CDK17: variants seen among roughly 807,000 people sequenced by gnomAD.
CDK17 encodes the protein cyclin dependent kinase 17.
CDK17 carries 24 observed loss-of-function variants against 77.6 expected under a neutral mutation model. The observed-to-expected ratio is 0.31, with a 90% CI of 0.22 to 0.44. The LOEUF (loss-of-function observed/expected upper bound fraction) is 0.44, where lower values mean the gene tolerates loss of function less well. Ranked by LOEUF, CDK17 falls within the 20% of genes least tolerant of loss-of-function variation. The probability of loss-of-function intolerance (pLI) is 1.00; values close to 1 mark genes in which losing one functional copy is unlikely to be tolerated. For missense variants in CDK17, 429 were observed against 622.5 expected (o/e 0.69, Z 3.31); for synonymous variants, 203 against 210.4 (o/e 0.96, Z 0.30).
chr12:96,316,300 G>T (rs1952716388), intron 3 of CDK17, among the ~76,000 whole-genome samples: 1 of 151,216 alleles, frequency 6.6e-6, no homozygotes. Context: ...GGCTCGGAGG[G>T]TCCTACGCCC....
chr12:96,293,141 A>AT (rs750256888), intron 10 of CDK17, among the ~76,000 whole-genome samples: 16 of 152,022 alleles, frequency 1.1e-4, no homozygotes, highest in South Asian at 2.1e-4. Flanking sequence ...TATGAAAAAC[A>AT]TTTTTTTTAT....
At chr12:96,306,277 T>G (rs1331369925) in intron 5 of CDK17, among the ~76,000 whole-genome samples, 1 of 152,108 alleles carries the variant, frequency 6.6e-6, no homozygotes, top group African/African-American at 2.4e-5. Flanking sequence ...TTAGAAAATA[T>G]GAAAATAGGC....
chr12:96,316,131 T>C (rs374044717), intron 3 of CDK17, among the ~76,000 whole-genome samples: 42 of 152,176 alleles, frequency 2.8e-4, no homozygotes, highest in East Asian at 9.7e-4. Context: ...GGGCGAGGCA[T>C]TGCCTCACCT....
At chr12:96,280,930 A>T (rs999094059) in intron 15 of CDK17, 45 bp from the exon 16 acceptor site, 34 of 1,440,802 alleles carry the variant, frequency 2.4e-5, no homozygotes, top group Non-Finnish European at 3.3e-5. Context: ...TCTAACATTA[A>T]AACAAACACA....
At chr12:96,350,374 C>T (rs1213773612) in intron 1 of CDK17, among the ~76,000 whole-genome samples, 4 of 149,836 alleles carry the variant, frequency 2.7e-5, no homozygotes, top group African/African-American at 7.3e-5. Flanking sequence ...AAGACAACGA[C>T]GATATCTTAA....
intron 10 of CDK17, among the ~76,000 whole-genome samples, chr12:96,290,771 T>C (rs1466782623): frequency 6.6e-6 from 1 of 152,116 alleles, no homozygotes; most frequent in Non-Finnish European, 1.5e-5. Flanking sequence ...TCAAGGCAAA[T>C]TACCAGTTAT....
At chr12:96,305,702 A>C (rs1952568083) in intron 5 of CDK17, among the ~76,000 whole-genome samples, 1 of 151,940 alleles carries the variant, frequency 6.6e-6, no homozygotes, top group South Asian at 2.1e-4. Context: ...AAAAGGAGGG[A>C]GTTTTCGGTT....
chr12:96,392,105 T>C (rs1238652367), intron 1 of CDK17, among the ~76,000 whole-genome samples: 1 of 152,108 alleles, frequency 6.6e-6, no homozygotes, highest in Non-Finnish European at 1.5e-5. Flanking sequence ...GGGAGAGACC[T>C]GAAAATAATT....
At chr12:96,315,186 T>C (rs1952694663) in intron 3 of CDK17, among the ~76,000 whole-genome samples, 1 of 152,212 alleles carries the variant, frequency 6.6e-6, no homozygotes, top group Admixed American at 6.5e-5. Flanking sequence ...TAAGTATAAA[T>C]GTTAACTTTT....
intron 1 of CDK17, among the ~76,000 whole-genome samples, chr12:96,369,953 GA>G (rs1332952164): frequency 1.3e-5 from 2 of 152,100 alleles, no homozygotes; most frequent in Admixed American, 1.3e-4. Flanking sequence ...ACACCCCAGG[GA>G]AGGATATTTT....
At chr12:96,310,589 A>T (rs570221855) in intron 5 of CDK17, among the ~76,000 whole-genome samples, 27 of 152,060 alleles carry the variant, frequency 1.8e-4, no homozygotes, top group African/African-American at 5.8e-4. Flanking sequence ...AGTAAAGAGA[A>T]AGGGAACAGA....
At chr12:96,358,569 C>G (rs1953442499) in intron 1 of CDK17, among the ~76,000 whole-genome samples, 1 of 152,154 alleles carries the variant, frequency 6.6e-6, no homozygotes, top group East Asian at 1.9e-4. Context: ...CATCTGTAAT[C>G]TCAGCACTTT....
intron 3 of CDK17, among the ~76,000 whole-genome samples, chr12:96,316,416 C>T (rs182363677): frequency 0.032 from 4,692 of 146,620 alleles, 182 homozygotes; most frequent in Non-Finnish European, 0.045. Flanking sequence ...CTTAGGTAAA[C>T]AAAGCAGCCA....
At chr12:96,329,566 A>G (rs534604401) in intron 2 of CDK17, among the ~76,000 whole-genome samples, 1 of 152,252 alleles carries the variant, frequency 6.6e-6, no homozygotes, top group Non-Finnish European at 1.5e-5. Flanking sequence ...TCTTTCAAAC[A>G]TTATTACTAG....
chr12:96,372,081 T>C (rs1592760839), intron 1 of CDK17, among the ~76,000 whole-genome samples: 2 of 152,070 alleles, frequency 1.3e-5, no homozygotes, highest in Non-Finnish European at 2.9e-5. Flanking sequence ...ACTGGACAAA[T>C]GCTATTTTGT....
intron 1 of CDK17, among the ~76,000 whole-genome samples, chr12:96,347,340 G>A (rs1177571233): frequency 6.6e-6 from 1 of 151,736 alleles, no homozygotes; most frequent in Non-Finnish European, 1.5e-5. Context: ...GAGGCGGGCA[G>A]ATCACCTGAG....
At chr12:96,316,249 G>C (rs984023448) in intron 3 of CDK17, among the ~76,000 whole-genome samples, 1 of 152,122 alleles carries the variant, frequency 6.6e-6, no homozygotes, top group African/African-American at 2.4e-5. Context: ...TTGTCAGACC[G>C]GCTTAAAAAA....
chr12:96,297,288 CATG>C lies in CDK17; in HGVS notation c.852_854del (p.Ile284del). The C allele has an allele frequency of 6.2e-7, 1 of 1,610,922 alleles. No individual in the cohort carries two copies. The highest frequency in any genetic ancestry group is 1.1e-5 in the South Asian group (1 of 90,874). On this transcript the variant is annotated inframe_deletion, in exon 9 of 17. Transcript: ENST00000261211. Reference sequence around the variant, plus strand: ...AACATACCTTTACGTTGTGCATACTCATGATGTTTCCACAGTCATCCATGTACT... The same window carrying C: ...AACATACCTTTACGTTGTGCATACTCATGTTTCCACAGTCATCCATGTACT...
intron 1 of CDK17, among the ~76,000 whole-genome samples, chr12:96,355,648 C>T (rs1200738350): frequency 6.6e-6 from 1 of 152,002 alleles, no homozygotes; most frequent in African/African-American, 2.4e-5. Flanking sequence ...CCTTGTGATC[C>T]GCCCACCTCA....
Sources: gnomAD v4.1 joint callset for allele counts (sites outside exome capture counted in the v4.1 genomes callset) on GRCh38, gnomAD v4.1.1 for gene constraint, MANE v1.5 for transcripts, NCBI Gene and HGNC (gene_info 2026-07-23, HGNC 2026-07-21) for gene names.